LRRC4C: variants seen among roughly 807,000 people sequenced by gnomAD.
LRRC4C encodes leucine rich repeat containing 4C.
In LRRC4C, 5 loss-of-function variants were observed where a neutral mutation model predicts 33.6. The observed-to-expected ratio is 0.15, with a 90% CI of 0.08 to 0.31. The LOEUF is 0.31. Among genes scored for constraint, LRRC4C ranks in the 10% least tolerant of loss-of-function variants. The pLI is 1.00. For synonymous variants in LRRC4C, 329 were observed against 302.0 expected (o/e 1.09, Z -0.93); for missense variants, 560 against 796.7 (o/e 0.70, Z 3.58).
intron 1 of LRRC4C, among the ~76,000 whole-genome samples, chr11:41,138,819 G>T (rs1943377356): frequency 1.3e-5 from 2 of 152,108 alleles, no homozygotes; most frequent in Admixed American, 6.5e-5. Context: ...TACACAAAAA[G>T]AATATTATCA....
chr11:40,353,044 G>A (rs1590409267), intron 3 of LRRC4C, among the ~76,000 whole-genome samples: 2 of 152,058 alleles, frequency 1.3e-5, no homozygotes, highest in Admixed American at 6.6e-5. Context: ...ATTATTAAAT[G>A]TATTGAGGTA....
intron 1 of LRRC4C, among the ~76,000 whole-genome samples, chr11:41,032,472 A>C (rs1188415727): frequency 1.3e-5 from 2 of 151,774 alleles, no homozygotes; most frequent in Non-Finnish European, 2.9e-5. Context: ...TTTTTTTTAG[A>C]TCTATTGTTT....
chr11:40,538,127 T>C (rs1956551624), intron 3 of LRRC4C, among the ~76,000 whole-genome samples: 1 of 152,166 alleles, frequency 6.6e-6, no homozygotes, highest in African/African-American at 2.4e-5. Flanking sequence ...TATATTGATT[T>C]AATTGGCCTG....
chr11:40,198,327 A>G (rs1862433610), intron 5 of LRRC4C, among the ~76,000 whole-genome samples: 2 of 152,160 alleles, frequency 1.3e-5, no homozygotes, highest in South Asian at 4.1e-4. Context: ...ACAGCCACCT[A>G]TTTTCAGCTG....
At chr11:40,607,463 A>G (rs1960746384) in intron 3 of LRRC4C, among the ~76,000 whole-genome samples, 1 of 152,162 alleles carries the variant, frequency 6.6e-6, no homozygotes, top group Non-Finnish European at 1.5e-5. Context: ...CAAGAGGAAC[A>G]TATCAGCAGA....
intron 2 of LRRC4C, among the ~76,000 whole-genome samples, chr11:40,786,586 C>T (rs748499004): frequency 6.6e-6 from 1 of 152,104 alleles, no homozygotes; most frequent in Non-Finnish European, 1.5e-5. Flanking sequence ...AAAAGCTGAT[C>T]GCTACTACCA....
At chr11:40,540,066 T>C (rs892937751) in intron 3 of LRRC4C, among the ~76,000 whole-genome samples, 4 of 152,316 alleles carry the variant, frequency 2.6e-5, no homozygotes, top group African/African-American at 9.6e-5. Context: ...GAAAAAGTTT[T>C]ACTTTGTGAC....
In LRRC4C at chr11:40,989,516, G is replaced by A. The variant is rs116130347; in HGVS notation, c.-495-55793C>T. Among the ~76,000 whole-genome samples the A allele has an allele frequency of 2.4e-3, 364 of 152,084 alleles. 1 individual carries two copies. Among genetic ancestry groups the A allele is most frequent in the African/African-American group, 8.1e-3 (337 of 41,470 alleles). Reference sequence around the variant, plus strand: ...CCCTCACTGACGTCTGTGTTCCACCGCAAAAAAATTAGAAAACAGTAAGAG... The same window carrying A: ...CCCTCACTGACGTCTGTGTTCCACCACAAAAAAATTAGAAAACAGTAAGAG... On this transcript the variant is annotated intron_variant, in intron 1 of 6. Coordinates refer to ENST00000528697, the MANE Select transcript of LRRC4C (RefSeq NM_001258419.2).
Position 40,865,229 on chromosome 11 carries a change from A to T in LRRC4C, c.-407+68406T>A, listed in dbSNP as rs150377699. Among the ~76,000 whole-genome samples the T allele has an allele frequency of 1.8e-4, 27 of 152,298 alleles. No homozygotes were observed. In the East Asian group the frequency reaches 5.0e-3, roughly 28 times the overall value. ...CTCACCCATATGTGCAAACTAAAAA[A>T]GTTCATCTCACAGAATAGAGTATAA... On this transcript the variant is annotated intron_variant, in intron 2 of 6. Coordinates refer to ENST00000528697, the MANE Select transcript of LRRC4C (RefSeq NM_001258419.2).
chr11:40,518,477 AT>A (rs1442538616), intron 3 of LRRC4C, among the ~76,000 whole-genome samples: 2 of 152,240 alleles, frequency 1.3e-5, no homozygotes, highest in Non-Finnish European at 2.9e-5. Flanking sequence ...AAAAGAAGCC[AT>A]TTATGCAGCC....
chr11:40,643,888 A>G (rs924557159), intron 3 of LRRC4C, among the ~76,000 whole-genome samples: 4 of 152,166 alleles, frequency 2.6e-5, no homozygotes, highest in African/African-American at 9.7e-5. Flanking sequence ...ACCAAAACAG[A>G]AGGTTTAAAC....
chr11:41,044,376 C>A (rs776848354), intron 1 of LRRC4C, among the ~76,000 whole-genome samples: 20 of 152,060 alleles, frequency 1.3e-4, no homozygotes, highest in Admixed American at 2.0e-4. Context: ...GGAGAATTCC[C>A]AATGTGAGCA....
chr11:40,718,790 C>T lies in LRRC4C; in HGVS notation c.-406-70512G>A, dbSNP rs1234612509. Among the ~76,000 whole-genome samples the T allele has an allele frequency of 1.3e-5, 2 of 152,112 alleles. 1 individual carries two copies. The highest frequency in any genetic ancestry group is 6.3e-3 in the Middle Eastern group (2 of 316). ...TATTAGTCAACATGGATACAGACAT[C>T]TCTTACTTTCTTTTATTCCTATCTG... On this transcript the variant is annotated intron_variant, in intron 2 of 6. Coordinates refer to ENST00000528697, the MANE Select transcript of LRRC4C (RefSeq NM_001258419.2).
intron 5 of LRRC4C, among the ~76,000 whole-genome samples, chr11:40,190,126 G>C (rs973262726): frequency 1.3e-5 from 2 of 152,176 alleles, no homozygotes; most frequent in African/African-American, 4.8e-5. Context: ...ACCCCATGAG[G>C]ATGGCAGAGA....
chr11:40,915,380 G>A (rs996878905), intron 2 of LRRC4C, among the ~76,000 whole-genome samples: 1 of 152,098 alleles, frequency 6.6e-6, no homozygotes, highest in Non-Finnish European at 1.5e-5. Flanking sequence ...AGAGCCCTCA[G>A]AAATAATGCC....
chr11:41,093,526 C>T (rs1228805298), intron 1 of LRRC4C, among the ~76,000 whole-genome samples: 5 of 152,052 alleles, frequency 3.3e-5, no homozygotes. Flanking sequence ...AATATGTATA[C>T]TATTTGCTCT....
intron 1 of LRRC4C, among the ~76,000 whole-genome samples, chr11:40,967,774 A>G (rs1208212564): frequency 6.6e-6 from 1 of 151,724 alleles, no homozygotes; most frequent in Admixed American, 6.6e-5. Context: ...ATTAATTTCA[A>G]TATTGAAATA....
intron 1 of LRRC4C, among the ~76,000 whole-genome samples, chr11:40,977,012 A>C (rs1029655815): frequency 5.8e-4 from 89 of 152,260 alleles, no homozygotes; most frequent in Middle Eastern, 3.4e-3. Flanking sequence ...TCCTGTAGCT[A>C]GATGGTCCCA....
In LRRC4C at chr11:40,932,159, G is replaced by A. The variant is rs529642362; in HGVS notation, c.-407+1476C>T. ...AAGAGAGGAGGGAGTTATTACTGTTGGTTATCTTGGTGAGAGTAATTTAAG... is the reference window on the plus strand; with the variant it reads ...AAGAGAGGAGGGAGTTATTACTGTTAGTTATCTTGGTGAGAGTAATTTAAG... On this transcript the variant is annotated intron_variant, in intron 2 of 6. Coordinates refer to ENST00000528697, the MANE Select transcript of LRRC4C (RefSeq NM_001258419.2). 2.0e-5 allele frequency among the ~76,000 whole-genome samples: 3 copies of A among 152,134 alleles called. No individual in the cohort carries two copies. The East Asian group carries it at 5.8e-4, about 29-fold the overall frequency.
Sources: gnomAD v4.1 joint callset for allele counts (sites outside exome capture counted in the v4.1 genomes callset) on GRCh38, gnomAD v4.1.1 for gene constraint, MANE v1.5 for transcripts, NCBI Gene and HGNC (gene_info 2026-07-23, HGNC 2026-07-21) for gene names.